Variants in COL14A1 observed in about 807,000 individuals in gnomAD.
COL14A1 encodes collagen type XIV alpha 1 chain, also known as collagen alpha-1(XIV) chain.
COL14A1 carries 136 observed loss-of-function variants against 230.3 expected under a neutral mutation model. That is an observed-to-expected ratio of 0.59 (90% CI 0.51 to 0.68). The LOEUF is 0.68. Ranked by LOEUF, COL14A1 falls within the 30% of genes least tolerant of loss-of-function variation. The pLI, the probability that COL14A1 is intolerant of heterozygous loss-of-function variation, is 0.00. For synonymous variants in COL14A1, 792 were observed against 784.1 expected, an observed-to-expected ratio of 1.01 and a Z score of -0.17; for missense variants, 1,976 against 2,215.8, an observed-to-expected ratio of 0.89 and a Z score of 2.17.
At chr8:120,327,799 C>A (rs1424047273) in intron 40 of COL14A1, among the ~76,000 whole-genome samples, 1 of 148,186 alleles carries the variant, frequency 6.7e-6, no homozygotes, top group Non-Finnish European at 1.5e-5. Flanking sequence ...TGGAGTCTTG[C>A]TTTGTCACCC....
At chr8:120,210,912 G>T in intron 12 of COL14A1, among the ~76,000 whole-genome samples, 1 of 151,570 alleles carries the variant, frequency 6.6e-6, no homozygotes, top group East Asian at 1.9e-4. Context: ...AAATTATTTT[G>T]ACAAAAGAGA....
chr8:120,357,205 A>G lies in COL14A1; in HGVS notation c.5078-9966A>G, dbSNP rs182621261. Among the ~76,000 whole-genome samples the G allele has an allele frequency of 1.5e-3, 232 of 152,276 alleles. 1 individual carries two copies. The highest frequency in any genetic ancestry group is 5.2e-3 in the African/African-American group (217 of 41,554). On this transcript the variant is annotated intron_variant, in intron 45 of 47. Transcript: ENST00000297848. ...AGAGTCTTGCATAAAGTTGCAGTCA[A>G]TATGTCATTTAGGAGGCCAGTCATC...
intron 9 of COL14A1, among the ~76,000 whole-genome samples, chr8:120,204,305 T>C (rs1817361505): frequency 6.6e-6 from 1 of 152,150 alleles, no homozygotes; most frequent in Non-Finnish European, 1.5e-5. Flanking sequence ...TCACTCCTGT[T>C]CCCTTTTATA....
chr8:120,276,995 C>T (rs1032010657), intron 26 of COL14A1, among the ~76,000 whole-genome samples: 1 of 151,872 alleles, frequency 6.6e-6, no homozygotes, highest in Non-Finnish European at 1.5e-5. Flanking sequence ...GCTTAAGGCC[C>T]ATTTAAACAA....
Position 120,250,664 on chromosome 8 carries a change from A to G in COL14A1, c.2650A>G (p.Ile884Val), listed in dbSNP as rs776035167. Residue 884 changes from isoleucine (I) to valine (V), a missense_variant, in exon 22 of 48, where the codon ATC becomes GTC. Ile to Val is a conservative substitution (Grantham distance 29). Coordinates refer to ENST00000297848, the MANE Select transcript of COL14A1 (RefSeq NM_021110.4). ...GTTTGTGGGAGCTGACATTAACACC[A>G]TCCTTATCACAAACCTCCTCAGCGG... ...ETFVGADINTILITNLLSGMD... is the reference protein window; with the variant it reads ...ETFVGADINTVLITNLLSGMD... The G allele has an allele frequency of 2.5e-6, 4 of 1,614,080 alleles. No homozygotes were observed. Among genetic ancestry groups the G allele is most frequent in the Non-Finnish European group, 3.4e-6 (4 of 1,180,036 alleles).
At chr8:120,227,594 A>G (rs1193579467) in intron 17 of COL14A1, among the ~76,000 whole-genome samples, 1 of 152,206 alleles carries the variant, frequency 6.6e-6, no homozygotes, top group Non-Finnish European at 1.5e-5. Context: ...TATATTTTCC[A>G]GGACTTAGCA....
intron 36 of COL14A1, among the ~76,000 whole-genome samples, chr8:120,303,828 T>C (rs1402618037): frequency 6.6e-6 from 1 of 152,172 alleles, no homozygotes; most frequent in Non-Finnish European, 1.5e-5. Flanking sequence ...AGCTCTTCTT[T>C]GTACATCTTG....
At position 120,289,704 on chromosome 8, in the gene COL14A1, G is replaced by C; in HGVS notation, c.4174G>C (p.Asp1392His). 1 of 1,614,122 alleles carries C rather than the reference G, an allele frequency of 6.2e-7. No individual in the cohort carries two copies. Among genetic ancestry groups the C allele is most frequent in the Non-Finnish European group, 8.5e-7 (1 of 1,179,986 alleles). The change falls in exon 34 of 48, where the codon GAT (aspartate) becomes CAT (histidine). Residue 1392 changes from aspartate to histidine, a missense_variant. By Grantham distance (81) the Asp-to-His change is moderately conservative. This residue lies in a region of COL14A1 where 1,791 missense variants were observed against 2,019.5 expected (regional missense o/e 0.89). Transcript: ENST00000297848. ...GAACGCATCAGCTAATATCACGTCA[G>C]ATGGTGTAGAAGTGCTAGGGAAAAT... is the stretch of plus-strand genomic sequence containing the variant. ...AMNASANITS[D>H]GVEVLGKMVR...
At chr8:120,156,725 A>G (rs185689138) in intron 2 of COL14A1, among the ~76,000 whole-genome samples, 331 of 152,322 alleles carry the variant, frequency 2.2e-3, no homozygotes, top group Admixed American at 4.4e-3. Context: ...CATGATATCC[A>G]TTATCCTATT....
intron 36 of COL14A1, among the ~76,000 whole-genome samples, chr8:120,302,524 A>C (rs1311245762): frequency 6.6e-6 from 1 of 152,118 alleles, no homozygotes; most frequent in African/African-American, 2.4e-5. Context: ...TGTTTTTGTC[A>C]GCTCTGCTGA....
At chr8:120,307,342 A>G (rs2130066849) in intron 36 of COL14A1, among the ~76,000 whole-genome samples, 1 of 152,358 alleles carries the variant, frequency 6.6e-6, no homozygotes, top group East Asian at 1.9e-4. Context: ...TGATAGTGGC[A>G]TTGCAGATCA....
At chr8:120,228,620 A>G (rs533344879) in intron 17 of COL14A1, 90 bp from the exon 18 acceptor site, 1 of 948,830 alleles carries the variant, frequency 1.1e-6, no homozygotes, top group Middle Eastern at 2.3e-4. Context: ...GTGAGATAAT[A>G]TAGGTGAAAT....
chr8:120,187,109 C>G (rs991939623), intron 5 of COL14A1, among the ~76,000 whole-genome samples: 1 of 152,172 alleles, frequency 6.6e-6, no homozygotes, highest in Non-Finnish European at 1.5e-5. Context: ...TCAGCTCCGT[C>G]CTTTCTATCT....
intron 44 of COL14A1, 84 bp from the exon 45 acceptor site, chr8:120,345,291 G>A (rs952585846): frequency 4.0e-6 from 5 of 1,252,140 alleles, no homozygotes; most frequent in Admixed American, 2.7e-5. Context: ...AGAATTGTTT[G>A]CAGCCTTAAC....
intron 4 of COL14A1, among the ~76,000 whole-genome samples, chr8:120,166,515 T>TTTA (rs1345200963): frequency 2.2e-5 from 3 of 138,132 alleles, no homozygotes; most frequent in Non-Finnish European, 4.7e-5. Flanking sequence ...TACCTCTGAA[T>TTTA]TTATTACTAG....
chr8:120,219,984 A>ATGTG (rs142020105), intron 14 of COL14A1, among the ~76,000 whole-genome samples: 11 of 150,476 alleles, frequency 7.3e-5, no homozygotes, highest in Admixed American at 4.6e-4. Context: ...TAGGGTGTGT[A>ATGTG]TGTGTGTGTG....
intron 39 of COL14A1, among the ~76,000 whole-genome samples, 173 bp downstream of exon 39, chr8:120,315,759 A>G (rs1311351640): frequency 6.6e-6 from 1 of 152,232 alleles, no homozygotes; most frequent in African/African-American, 2.4e-5. Context: ...GATGTTCCCC[A>G]GGTGAGCTCT....
At chr8:120,341,852 G>A (rs903823389) in intron 43 of COL14A1, among the ~76,000 whole-genome samples, 7 of 152,078 alleles carry the variant, frequency 4.6e-5, no homozygotes, top group Admixed American at 1.3e-4. Context: ...TTTAAGGGTC[G>A]TCTCTCTCCT....
chr8:120,152,328 T>C (rs1335579955), intron 2 of COL14A1, among the ~76,000 whole-genome samples: 1 of 151,624 alleles, frequency 6.6e-6, no homozygotes, highest in Admixed American at 6.6e-5. Flanking sequence ...CCGGGCGTGG[T>C]GGCGGGCGCC....
Sources: allele counts gnomAD v4.1 joint callset (sites outside exome capture counted in the v4.1 genomes callset), GRCh38; gene constraint gnomAD v4.1.1; regional missense constraint gnomAD v4.1.1; transcripts MANE v1.5; gene names NCBI Gene and HGNC (gene_info 2026-07-23, HGNC 2026-07-21).